EXOSC7: variants seen among roughly 807,000 people sequenced by gnomAD.
The protein encoded by EXOSC7 is exosome component 7.
EXOSC7 carries 25 observed loss-of-function variants against 34.3 expected under a neutral mutation model. The ratio of observed to expected loss-of-function variants is 0.73; its 90% CI spans 0.53 to 1.02. The LOEUF (loss-of-function observed/expected upper bound fraction) is 1.02. EXOSC7 is among the 50% of genes least tolerant of loss of function. The pLI is 0.00. For missense variants in EXOSC7, 370 were observed against 368.5 expected, an observed-to-expected ratio of 1.00 and a Z score of -0.03; for synonymous variants, 130 against 143.0, an observed-to-expected ratio of 0.91 and a Z score of 0.65.
At chr3:44,993,193 A>G (rs1351929928) in intron 3 of EXOSC7, among the ~76,000 whole-genome samples, 1 of 152,150 alleles carries the variant, frequency 6.6e-6, no homozygotes, top group African/African-American at 2.4e-5. Flanking sequence ...AGACACTTCA[A>G]ACAAAGGCTT....
chr3:45,003,339 G>A lies in EXOSC7; in HGVS notation c.491+1731G>A, dbSNP rs559619521. 1.5e-4 allele frequency among the ~76,000 whole-genome samples: 13 copies of A among 86,388 alleles called. No individual in the cohort carries two copies. The South Asian group carries it at 4.4e-3, about 29-fold the overall frequency. 56.7% of individuals were successfully genotyped at this position (86,388 alleles called of 152,430 possible). On this transcript the variant is annotated intron_variant, in intron 5 of 7. Transcript: ENST00000265564. The stretch of plus-strand genomic sequence containing the variant: ...ATTGGGAGATACTGTGCGTGCGTGC[G>A]TGCGTGCGTGCGTGTGTGTGTGTAT...
intron 3 of EXOSC7, among the ~76,000 whole-genome samples, chr3:44,994,844 G>C (rs996510723): frequency 9.6e-5 from 14 of 145,212 alleles, no homozygotes; most frequent in African/African-American, 3.6e-4. Context: ...TGCTGGCTAT[G>C]GTGGAAGAAT....
intron 7 of EXOSC7, among the ~76,000 whole-genome samples, chr3:45,009,578 T>G (rs1477801555): frequency 6.6e-6 from 1 of 151,892 alleles, no homozygotes; most frequent in African/African-American, 2.4e-5. Context: ...AGATGGAGTC[T>G]CACACTATCG....
intron 5 of EXOSC7, among the ~76,000 whole-genome samples, chr3:45,002,702 T>C (rs916118968): frequency 6.6e-6 from 1 of 152,204 alleles, no homozygotes; most frequent in Non-Finnish European, 1.5e-5. Flanking sequence ...TTTTAGAGCT[T>C]TTCTATGATG....
At chr3:44,981,032 G>A in intron 1 of EXOSC7, among the ~76,000 whole-genome samples, 1 of 152,206 alleles carries the variant, frequency 6.6e-6, no homozygotes, top group East Asian at 1.9e-4. Flanking sequence ...TCTTAGCCCA[G>A]GGATTCTGAA....
intron 1 of EXOSC7, among the ~76,000 whole-genome samples, chr3:44,986,064 C>T (rs1002048343): frequency 6.6e-6 from 1 of 152,212 alleles, no homozygotes; most frequent in Non-Finnish European, 1.5e-5. Context: ...ACCAGTGGAT[C>T]CTGCACTGGG....
At chr3:44,994,907 T>TGTGTGTGTGTGTG (rs1706679322) in intron 3 of EXOSC7, among the ~76,000 whole-genome samples, 1 of 130,104 alleles carries the variant, frequency 7.7e-6, no homozygotes, top group Non-Finnish European at 1.7e-5. Flanking sequence ...GTGTGTGTGT[T>TGTGTGTGTGTGTG]TTAAGCCATT....
chr3:44,989,110 G>A (rs779190705), intron 1 of EXOSC7, 30 bp from the exon 2 acceptor site: 1 of 1,477,956 alleles, frequency 6.8e-7, no homozygotes, highest in Non-Finnish European at 9.5e-7. Flanking sequence ...GATCTGGGGT[G>A]ACTATAGGAC....
chr3:44,995,908 C>T (rs1413915476), intron 3 of EXOSC7, among the ~76,000 whole-genome samples: 3 of 152,186 alleles, frequency 2.0e-5, no homozygotes, highest in African/African-American at 7.2e-5. Context: ...TTTTGCTTTG[C>T]CTGGAATCTT....
At chr3:45,004,962 G>T in intron 5 of EXOSC7, 1 of 210,088 alleles carries the variant, frequency 4.8e-6, no homozygotes, top group African/African-American at 2.3e-5. Flanking sequence ...TTTTCTAAAT[G>T]CTTTATTGTC....
intron 7 of EXOSC7, among the ~76,000 whole-genome samples, chr3:45,009,426 T>C (rs1209766441): frequency 2.0e-5 from 3 of 152,224 alleles, no homozygotes; most frequent in African/African-American, 7.2e-5. Context: ...CCTGGCATCC[T>C]GTCCATCTCA....
Position 45,011,382 on chromosome 3 carries a change from C to G in EXOSC7, c.*43C>G. The G allele has an allele frequency of 8.0e-7, 1 of 1,244,834 alleles. No individual in the cohort carries two copies. Among genetic ancestry groups the G allele is most frequent in the Non-Finnish European group, 1.2e-6 (1 of 865,954 alleles). 77.1% of individuals were successfully genotyped at this position (1,244,834 alleles called of 1,614,324 possible). On this transcript the variant is annotated 3_prime_UTR_variant, in exon 8 of 8. Transcript: ENST00000265564. ...CAACTGTGGATTGTTTTTTACTTTT[C>G]CTTTTAAACCGGTTCGTATATATTT...
chr3:44,989,308 G>T (rs2125965116), intron 2 of EXOSC7, 67 bp downstream of exon 2: 1 of 1,226,870 alleles, frequency 8.2e-7, no homozygotes, highest in East Asian at 2.3e-5. Context: ...ATGAGCTGCT[G>T]ACGCTGTCTG....
At position 45,011,305 on chromosome 3, in the gene EXOSC7, G is replaced by A. The variant is rs1006474986; in HGVS notation, c.842G>A (p.Gly281Glu). 6 of 1,613,082 alleles carry A rather than the reference G, an allele frequency of 3.7e-6. No individual in the cohort carries two copies. Among genetic ancestry groups the A allele is most frequent in the South Asian group, 1.1e-5 (1 of 90,926 alleles). ...QSVVHKEESL[G>E]PKRQKVGFLG ...GTTGTGCACAAGGAAGAAAGCCTGG[G>A]GCCCAAGAGACAGAAAGTTGGATTC... Residue 281 changes from glycine (G) to glutamate (E), a missense_variant, in exon 8 of 8, where the codon GGG (glycine) becomes GAG (glutamate). This residue lies in a region of EXOSC7 where 255 missense variants were observed against 246.4 expected (regional missense o/e 1.03). Transcript: ENST00000265564.
intron 4 of EXOSC7, among the ~76,000 whole-genome samples, chr3:44,999,761 A>T (rs1706824260): frequency 6.6e-6 from 1 of 152,228 alleles, no homozygotes. Context: ...AAATTGTATT[A>T]TTGATGAGGC....
intron 5 of EXOSC7, chr3:45,004,555 G>A (rs938686122): frequency 1.6e-5 from 2 of 123,624 alleles, no homozygotes; most frequent in African/African-American, 5.7e-5. Context: ...CATGCCTGGC[G>A]TTTTTTTTTT....
intron 1 of EXOSC7, 52 bp from the exon 2 acceptor site, chr3:44,989,088 G>A (rs1706497432): frequency 8.0e-7 from 1 of 1,256,458 alleles, no homozygotes; most frequent in African/African-American, 1.5e-5. Flanking sequence ...AGTCCGTTTA[G>A]GAGTTATTGT....
intron 3 of EXOSC7, among the ~76,000 whole-genome samples, chr3:44,994,509 T>TA (rs1241444086): frequency 2.0e-5 from 3 of 152,190 alleles, no homozygotes; most frequent in Non-Finnish European, 2.9e-5. Flanking sequence ...TTTGGGTTTT[T>TA]ATCCTCTGGA....
In EXOSC7 at chr3:45,001,548, G is replaced by A. The variant is rs749487643; in HGVS notation, c.431G>A (p.Cys144Tyr). The change falls in exon 5 of 8, where the codon TGT becomes TAT. Residue 144 changes from cysteine to tyrosine, a missense_variant. Coordinates refer to ENST00000265564, the MANE Select transcript of EXOSC7 (RefSeq NM_015004.4). The stretch of plus-strand genomic sequence containing the variant: ...TCCTGTCTCCCTTAGCTTCTGGAAT[G>A]TGGTGGAAATTTGTTTGATGCCATT... ...VLYVDVLLLE[C>Y]GGNLFDAISI... The A allele has an allele frequency of 9.9e-6, 16 of 1,612,912 alleles. No homozygotes were observed. Among genetic ancestry groups the A allele is most frequent in the Non-Finnish European group, 1.3e-5 (15 of 1,179,132 alleles).
Sources: gnomAD v4.1 joint callset for allele counts (sites outside exome capture counted in the v4.1 genomes callset) on GRCh38, gnomAD v4.1.1 for gene constraint, gnomAD v4.1.1 regional missense constraint, MANE v1.5 for transcripts, NCBI Gene and HGNC (gene_info 2026-07-23, HGNC 2026-07-21) for gene names.